The following KPNA5 variants were observed in gnomAD, a reference collection of about 807,000 sequenced individuals.
KPNA5 encodes the protein karyopherin subunit alpha 5.
KPNA5 carries 46 observed loss-of-function variants against 71.3 expected under a neutral mutation model. The ratio of observed to expected loss-of-function variants is 0.65; its 90% confidence interval spans 0.51 to 0.83. The LOEUF is 0.83. Among genes scored for constraint, KPNA5 ranks in the 40% least tolerant of loss-of-function variants. The pLI, the probability that KPNA5 is intolerant of heterozygous loss-of-function variation, is 0.00. For synonymous variants in KPNA5, 207 were observed against 201.4 expected, an observed-to-expected ratio of 1.03 and a Z score of -0.24; for missense variants, 547 against 628.3, an observed-to-expected ratio of 0.87 and a Z score of 1.38.
At chr6:116,696,299 C>T (rs1484773560) in intron 4 of KPNA5, among the ~76,000 whole-genome samples, 1 of 152,084 alleles carries the variant, frequency 6.6e-6, no homozygotes, top group East Asian at 1.9e-4. Flanking sequence ...ATCTATCAGG[C>T]CTAGAAAAAT....
intron 1 of KPNA5, among the ~76,000 whole-genome samples, chr6:116,686,809 C>G (rs563446889): frequency 1.2e-4 from 19 of 152,098 alleles, no homozygotes; most frequent in Non-Finnish European, 2.5e-4. Flanking sequence ...CCAATTGCTT[C>G]CTTTTGTCAG....
chr6:116,694,502 G>C (rs1239779102), intron 4 of KPNA5, among the ~76,000 whole-genome samples: 1 of 152,044 alleles, frequency 6.6e-6, no homozygotes, highest in Non-Finnish European at 1.5e-5. Context: ...TGAAGCAATT[G>C]TGAATGGGAG....
intron 8 of KPNA5, among the ~76,000 whole-genome samples, 195 bp from the exon 9 acceptor site, chr6:116,721,931 C>A (rs1008022423): frequency 2.6e-5 from 4 of 152,062 alleles, no homozygotes; most frequent in African/African-American, 9.7e-5. Flanking sequence ...AACTACATAT[C>A]TTATTCAATA....
intron 11 of KPNA5, among the ~76,000 whole-genome samples, chr6:116,726,100 CACA>C (rs1271861379): frequency 7.2e-6 from 1 of 138,010 alleles, no homozygotes; most frequent in Non-Finnish European, 1.6e-5. Context: ...CAGTGCCTGA[CACA>C]TAATGGTTTG....
chr6:116,715,604 T>C (rs1456817512), intron 7 of KPNA5, among the ~76,000 whole-genome samples: 3 of 152,170 alleles, frequency 2.0e-5, no homozygotes, highest in Non-Finnish European at 4.4e-5. Context: ...TCTGAATTCA[T>C]ATATTATTTT....
rs1325314777 is a variant in KPNA5, at chr6:116,741,113, G to A, written c.*8790G>A. ...TGATACTTGCTTTATGATCTGATAT[G>A]TGTTGGTTTTAGTGAAATGGCCCAT... On this transcript the variant is annotated 3_prime_UTR_variant, in exon 14 of 14. Transcript: ENST00000368564. 1 of 152,114 alleles carries A rather than the reference G, an allele frequency of 6.6e-6. No individual in the cohort carries two copies. Among genetic ancestry groups the A allele is most frequent in the Non-Finnish European group, 1.5e-5 (1 of 68,022 alleles). 9.4% of individuals were successfully genotyped at this position (152,114 alleles called of 1,614,324 possible). A position where few individuals can be genotyped will look rare whatever the true frequency, so the allele number is the denominator to read the frequency against.
chr6:116,740,792 A>G lies in KPNA5; in HGVS notation c.*8469A>G, dbSNP rs1327025457. The G allele has an allele frequency of 6.7e-6, 1 of 148,940 alleles. No individual in the cohort carries two copies. The highest frequency in any genetic ancestry group is 2.5e-5 in the African/African-American group (1 of 40,512). 9.2% of individuals were successfully genotyped at this position (148,940 alleles called of 1,614,324 possible). On this transcript the variant is annotated 3_prime_UTR_variant, in exon 14 of 14. Transcript: ENST00000368564. ...TCTCACTCATAGGTGGGAATTGAAC[A>G]ATGAGAACACATGGACACAGGAAGG...
At chr6:116,715,586 C>T (rs897166513) in intron 7 of KPNA5, among the ~76,000 whole-genome samples, 1 of 151,974 alleles carries the variant, frequency 6.6e-6, no homozygotes, top group African/African-American at 2.4e-5. Flanking sequence ...AAACTGTATT[C>T]CTTGCTTTCT....
chr6:116,683,670 C>G (rs2114345138), intron 1 of KPNA5, among the ~76,000 whole-genome samples: 1 of 152,072 alleles, frequency 6.6e-6, no homozygotes, highest in South Asian at 2.1e-4. Context: ...AGTTCCGCCT[C>G]CCGGGGTTCA....
chr6:116,719,417 A>G (rs187215661), intron 8 of KPNA5, among the ~76,000 whole-genome samples: 14 of 152,348 alleles, frequency 9.2e-5, no homozygotes, highest in Admixed American at 6.5e-4. Context: ...CAGCAAAACC[A>G]TATTTTCTTA....
At chr6:116,682,405 C>G (rs1486773994) in intron 1 of KPNA5, among the ~76,000 whole-genome samples, 1 of 152,168 alleles carries the variant, frequency 6.6e-6, no homozygotes, top group Non-Finnish European at 1.5e-5. Flanking sequence ...GACAAAAACA[C>G]TAATGATTTA....
intron 1 of KPNA5, among the ~76,000 whole-genome samples, chr6:116,685,201 G>A (rs573152339): frequency 1.3e-5 from 2 of 152,308 alleles, no homozygotes; most frequent in African/African-American, 4.8e-5. Context: ...AATAAGAAAG[G>A]AGAGTTGATA....
At chr6:116,694,961 T>G (rs1777966301) in intron 4 of KPNA5, among the ~76,000 whole-genome samples, 2 of 152,296 alleles carry the variant, frequency 1.3e-5, no homozygotes, top group African/African-American at 2.4e-5. Flanking sequence ...TCTTTTTCTT[T>G]TTTTTTGAGA....
chr6:116,692,092 A>T lies in KPNA5; in HGVS notation c.176A>T (p.Asp59Val), dbSNP rs780540472. ...KRRNVYLPRN[D>V]ESMLESPIQD... ...AGAAATGTCTATTTGCCCAGAAATG[A>T]TGAATCTATGCTTGAAAGTCCTATA... The change falls in exon 3 of 14, where the codon GAT becomes GTT. Residue 59 changes from aspartate (D) to valine (V), a missense_variant. Asp to Val is a radical substitution (Grantham distance 152). Transcript: ENST00000368564. 1.0e-4 allele frequency: 166 copies of T among 1,613,018 alleles called. No homozygotes were observed. The highest frequency in any genetic ancestry group is 1.4e-4 in the Non-Finnish European group (161 of 1,179,336).
At chr6:116,700,197 C>A (rs991381500) in intron 5 of KPNA5, among the ~76,000 whole-genome samples, 4 of 152,010 alleles carry the variant, frequency 2.6e-5, no homozygotes, top group African/African-American at 9.7e-5. Context: ...ATTTGCTGGG[C>A]GTGGTGACTC....
chr6:116,722,695 G>A (rs985729373), intron 9 of KPNA5, among the ~76,000 whole-genome samples: 14 of 152,132 alleles, frequency 9.2e-5, no homozygotes, highest in Non-Finnish European at 1.8e-4. Context: ...TCCATGTAGT[G>A]AAAATCATTT....
intron 8 of KPNA5, among the ~76,000 whole-genome samples, chr6:116,720,941 C>T (rs1380411344): frequency 6.6e-6 from 1 of 152,168 alleles, no homozygotes. Context: ...ATTTTATTTG[C>T]CCACTAACAG....
chr6:116,735,526 G>A lies in KPNA5; in HGVS notation c.*3203G>A, dbSNP rs1562461264. On this transcript the variant is annotated 3_prime_UTR_variant, in exon 14 of 14. Transcript: ENST00000368564. ...AGTATATCTTTAAATTCTGACTGGG[G>A]AGTAAGAAGAGAAGATATTCTTACC... 1 of 151,614 alleles carries A rather than the reference G, an allele frequency of 6.6e-6. No individual in the cohort carries two copies. Among genetic ancestry groups the A allele is most frequent in the Non-Finnish European group, 1.5e-5 (1 of 67,708 alleles). 9.4% of individuals were successfully genotyped at this position (151,614 alleles called of 1,614,324 possible).
Position 116,739,636 on chromosome 6 carries a change from A to G in KPNA5, c.*7313A>G, listed in dbSNP as rs528610104. 72 of 152,292 alleles carry G rather than the reference A, an allele frequency of 4.7e-4. No individual in the cohort carries two copies. Among genetic ancestry groups the G allele is most frequent in the African/African-American group, 1.6e-3 (68 of 41,566 alleles). 9.4% of individuals were successfully genotyped at this position (152,292 alleles called of 1,614,324 possible). ...ACAGTAACCAAAACAGCATGGTACC[A>G]GTACCAAAACAGATATAGATCAATG... is the stretch of plus-strand genomic sequence containing the variant. On this transcript the variant is annotated 3_prime_UTR_variant, in exon 14 of 14. Transcript: ENST00000368564.
Sources: allele counts gnomAD v4.1 joint callset (sites outside exome capture counted in the v4.1 genomes callset), GRCh38; gene constraint gnomAD v4.1.1; transcripts MANE v1.5; gene names NCBI Gene and HGNC (gene_info 2026-07-23, HGNC 2026-07-21).